Variants in EVPL observed in about 807,000 individuals in gnomAD.
EVPL encodes the protein 210 kDa cornified envelope precursor protein.
A neutral mutation model predicts 129.7 loss-of-function variants in EVPL; 94 were observed. The observed-to-expected ratio is 0.72, with a 90% CI of 0.61 to 0.86. The LOEUF is 0.86. Ranked by LOEUF, EVPL falls within the 40% of genes least tolerant of loss-of-function variation. EVPL has a pLI of 0.00. For missense variants in EVPL, 2,625 were observed against 2,721.1 expected, an observed-to-expected ratio of 0.96 and a Z score of 0.79; for synonymous variants, 1,172 against 1,191.1, an observed-to-expected ratio of 0.98 and a Z score of 0.33.
Position 76,015,293 on chromosome 17 carries a change from G to T in EVPL, c.1962C>A (p.Thr654=). The T allele has an allele frequency of 1.2e-6, 2 of 1,602,452 alleles. No homozygotes were observed. Among genetic ancestry groups the T allele is most frequent in the Non-Finnish European group, 1.7e-6 (2 of 1,178,794 alleles). ...ADRVIRGFEA[T]LVQEAPIPAE... Reference sequence around the variant, plus strand: ...CAGGGATGGGGGCCTCCTGCACCAGGGTGGCCTCGAAGCCTCGGATGACCC... The same window carrying T: ...CAGGGATGGGGGCCTCCTGCACCAGTGTGGCCTCGAAGCCTCGGATGACCC... Residue 654 remains threonine (T), a synonymous_variant, in exon 16 of 22, where the codon ACC becomes ACA. Transcript: ENST00000301607.
chr17:76,016,377 G>T (rs1313744318), intron 14 of EVPL, among the ~76,000 whole-genome samples: 4 of 152,164 alleles, frequency 2.6e-5, no homozygotes, highest in African/African-American at 9.7e-5. Flanking sequence ...CATCTGCCTG[G>T]TCCATCACCG....
Position 76,007,629 on chromosome 17 carries a change from A to G in EVPL, c.5576T>C (p.Leu1859Pro), listed in dbSNP as rs778659296. The change falls in exon 22 of 22, where the codon CTG becomes CCG. Residue 1859 changes from leucine (L) to proline (P), a missense_variant. Physicochemically the swap from Leu to Pro is moderately conservative, Grantham distance 98. Coordinates refer to ENST00000301607, the MANE Select transcript of EVPL (RefSeq NM_001988.4). The surrounding 1 kb of genome is among the most constrained non-coding windows in gnomAD (Gnocchi z 8.8). Reference sequence around the variant, plus strand: ...GCCCCCTGTGGCCGCCTGGGCCTCCAGTAGCTTCTGCCCAGTGATGGGGTC... The same window carrying G: ...GCCCCCTGTGGCCGCCTGGGCCTCCGGTAGCTTCTGCCCAGTGATGGGGTC... ...MLDPITGQKL[L>P]EAQAATGGIV... is the part of the protein sequence containing the mutation. 7.4e-6 allele frequency: 12 copies of G among 1,613,762 alleles called. No individual in the cohort carries two copies. Among genetic ancestry groups the G allele is most frequent in the Non-Finnish European group, 3.4e-6 (4 of 1,180,032 alleles).
chr17:76,021,589 G>A, intron 8 of EVPL, 26 bp from the exon 9 acceptor site: 2 of 1,518,458 alleles, frequency 1.3e-6, no homozygotes, highest in South Asian at 2.4e-5. Context: ...TGGAGCCCTC[G>A]GACCACGCCC....
rs534116655 is a variant in EVPL at position 76,008,514 on chromosome 17, A to G, written c.4691T>C (p.Ile1564Thr). Reference sequence around the variant, plus strand: ...TCTCCCCAGCGTCTCGGCCCGGTCAATGCGCTCCCGCAGGCGCCGTGCCTC... The same window carrying G: ...TCTCCCCAGCGTCTCGGCCCGGTCAGTGCGCTCCCGCAGGCGCCGTGCCTC... The part of the protein sequence containing the change: ...EEEARRLRER[I>T]DRAETLGRTW... The change falls in exon 22 of 22, where the codon ATT becomes ACT. Residue 1564 changes from isoleucine (I) to threonine (T), a missense_variant. This residue lies in a region of EVPL where 1,453 missense variants were observed against 1,511.8 expected (regional missense o/e 0.96). Transcript: ENST00000301607. This position sits in a 1 kb window ranked among gnomAD's most constrained non-coding sequence, Gnocchi z 7.4. 93 of 1,605,342 alleles carry G rather than the reference A, an allele frequency of 5.8e-5. No homozygotes were observed. Among genetic ancestry groups the G allele is most frequent in the African/African-American group, 3.6e-4 (27 of 74,966 alleles).
chr17:76,022,563 C>T lies in EVPL; in HGVS notation c.481-25G>A. 6.3e-7 allele frequency: 1 copy of T among 1,583,904 alleles called. No homozygotes were observed. The highest frequency in any genetic ancestry group is 8.6e-7 in the Non-Finnish European group (1 of 1,166,110). On this transcript the variant is annotated intron_variant, in intron 4 of 21. Coordinates refer to ENST00000301607, the MANE Select transcript of EVPL (RefSeq NM_001988.4). This position sits in a 1 kb window ranked among gnomAD's most constrained non-coding sequence, Gnocchi z 5.6. The stretch of plus-strand genomic sequence containing the variant: ...TCTGCAGGAGAGCCGGCGGCTCAGT[C>T]CCCAAAGGACCGCGGTGGGGAGCCA...
chr17:76,014,755 G>C (rs2144415461), intron 17 of EVPL, among the ~76,000 whole-genome samples, 161 bp downstream of exon 17: 1 of 152,296 alleles, frequency 6.6e-6, no homozygotes, highest in African/African-American at 2.4e-5. Context: ...TCTCTACCAG[G>C]CACCACCCTG....
intron 11 of EVPL, 99 bp downstream of exon 11, chr17:76,018,815 G>A (rs1418047223): frequency 7.3e-7 from 1 of 1,375,668 alleles, no homozygotes; most frequent in East Asian, 2.6e-5. Context: ...GTGGGCGCAG[G>A]AGACAGCTGG....
In EVPL at chr17:76,015,221, C is replaced by T. The variant is rs372163022; in HGVS notation, c.2028+6G>A. The T allele has an allele frequency of 1.2e-4, 183 of 1,584,978 alleles. No individual in the cohort carries two copies. The highest frequency in any genetic ancestry group is 1.7e-4 in the Middle Eastern group (1 of 6,020). Reference sequence around the variant, plus strand: ...TGACACCAGGAGGCCCCGGCTGGTCCCTTACCTGCAGCTCGCTGACCCTCT... The same window carrying T: ...TGACACCAGGAGGCCCCGGCTGGTCTCTTACCTGCAGCTCGCTGACCCTCT... On this transcript the variant is annotated splice_donor_region_variant and intron_variant, in intron 16 of 21. Coordinates refer to ENST00000301607, the MANE Select transcript of EVPL (RefSeq NM_001988.4).
In EVPL at chr17:76,008,738, C is replaced by T. The variant is rs775233961; in HGVS notation, c.4467G>A (p.Lys1489=). 4 of 1,614,104 alleles carry T rather than the reference C, an allele frequency of 2.5e-6. No homozygotes were observed. In the East Asian group the frequency reaches 8.9e-5, roughly 36 times the overall value. Residue 1489 remains lysine, a synonymous_variant, in exon 22 of 22, where the codon AAG becomes AAA. Coordinates refer to ENST00000301607, the MANE Select transcript of EVPL (RefSeq NM_001988.4). The surrounding 1 kb of genome is among the most constrained non-coding windows in gnomAD (Gnocchi z 7.4). ...CCCGATTCAGCTCGGTTACCTGGGT[C>T]TTCTCCTGGTCCAGGTCCCACCGCA... ...EALRWDLDQE[K]TQVTELNREC... is the part of the protein sequence containing the mutation.
At position 76,011,633 on chromosome 17, in the gene EVPL, T is replaced by C. The variant is rs938506038; in HGVS notation, c.2604A>G (p.Ala868=). 9.9e-6 allele frequency: 16 copies of C among 1,614,106 alleles called. No homozygotes were observed. The African/African-American group carries it at 1.7e-4, about 18-fold the overall frequency. Residue 868 remains alanine, a synonymous_variant, in exon 21 of 22, where the codon GCA becomes GCG. Transcript: ENST00000301607. ...KNLAKAYTEV[A]AAQQQLLQQL... The stretch of plus-strand genomic sequence containing the variant: ...GCTGGAGCAGCTGCTGCTGTGCTGC[T>C]GCAACCTCAGTATAGGCCTTTGCAA...
chr17:76,018,420 C>T, intron 12 of EVPL, 26 bp downstream of exon 12: 1 of 1,600,906 alleles, frequency 6.2e-7, no homozygotes, highest in Non-Finnish European at 8.5e-7. Context: ...CACAGCCTGC[C>T]CCTGAGTATC....
chr17:76,017,596 G>A (rs2066426207), intron 14 of EVPL, 143 bp downstream of exon 14: 2 of 1,188,274 alleles, frequency 1.7e-6, no homozygotes, highest in Non-Finnish European at 2.3e-6. Flanking sequence ...AGGGGAACCA[G>A]CTTGTCTGAG....
rs1203402566 is a variant in EVPL at position 76,021,725 on chromosome 17, G to A, written c.864C>T (p.Asp288=). The A allele has an allele frequency of 4.3e-6, 7 of 1,610,246 alleles. No individual in the cohort carries two copies. The highest frequency in any genetic ancestry group is 5.1e-6 in the Non-Finnish European group (6 of 1,179,476). The change falls in exon 8 of 22, where the codon GAC becomes GAT. Residue 288 remains aspartate (D), a synonymous_variant. Coordinates refer to ENST00000301607, the MANE Select transcript of EVPL (RefSeq NM_001988.4). The part of the protein sequence containing the change: ...SQEQSVNQLE[D]DGERMVELRH... ...GCAGCTCCACCATGCGCTCGCCGTC[G>A]TCCTCCAGCTGGTTCACGCTCTGCT...
chr17:76,009,026 C>T lies in EVPL; in HGVS notation c.4179G>A (p.Gly1393=), dbSNP rs781102067. ...KLREEHSRLS[G]SLDEEVGRRR... The stretch of plus-strand genomic sequence containing the variant: ...GCCGGCCCACCTCCTCATCCAGGCT[C>T]CCGCTCAGCCGGCTGTGCTCCTCGC... The change falls in exon 22 of 22, where the codon GGG becomes GGA. Residue 1393 remains glycine, a synonymous_variant. Coordinates refer to ENST00000301607, the MANE Select transcript of EVPL (RefSeq NM_001988.4). The surrounding 1 kb of genome is among the most constrained non-coding windows in gnomAD (Gnocchi z 5.9). 19 of 1,613,256 alleles carry T rather than the reference C, an allele frequency of 1.2e-5. No individual in the cohort carries two copies. The highest frequency in any genetic ancestry group is 3.3e-5 in the Admixed American group (2 of 60,016).
chr17:76,023,487 C>A lies in EVPL; in HGVS notation c.353+13G>T. Reference sequence around the variant, plus strand: ...TCCCCAGGGACCCCCAGCCCTGCCGCAGCTCCACTCACTCCTTCTCAATCT... The same window carrying A: ...TCCCCAGGGACCCCCAGCCCTGCCGAAGCTCCACTCACTCCTTCTCAATCT... On this transcript the variant is annotated intron_variant, in intron 3 of 21. Transcript: ENST00000301607. 1 of 1,612,110 alleles carries A rather than the reference C, an allele frequency of 6.2e-7. No individual in the cohort carries two copies. Among genetic ancestry groups the A allele is most frequent in the Non-Finnish European group, 8.5e-7 (1 of 1,178,940 alleles).
rs746582689 is a variant in EVPL at position 76,023,361 on chromosome 17, G to T, written c.411C>A (p.Tyr137Ter). 3 of 1,613,890 alleles carry T rather than the reference G, an allele frequency of 1.9e-6. No homozygotes were observed. The highest frequency in any genetic ancestry group is 1.7e-6 in the Non-Finnish European group (2 of 1,180,016). Residue 137 changes from tyrosine (Y) to a stop codon, truncating the protein, a stop_gained, in exon 4 of 22, where the codon TAC (tyrosine) becomes TAA (stop). Coordinates refer to ENST00000301607, the MANE Select transcript of EVPL (RefSeq NM_001988.4). LOFTEE classifies it high-confidence loss of function. ...CGTCGGGGGGCAGCACCATCTTCTC[G>T]TACAGGGCACGGTACTCCGCACACT... ...TQECAEYRALYEKMVLPPDVG... is the reference protein window; with the variant it reads ...TQECAEYRAL
rs759334667 is a variant in EVPL at position 76,021,984 on chromosome 17, C to T, written c.690G>A (p.Thr230=). 10 of 1,565,216 alleles carry T rather than the reference C, an allele frequency of 6.4e-6. 1 individual carries two copies. The highest frequency in any genetic ancestry group is 1.8e-5 in the Admixed American group (1 of 54,696). The change falls in exon 7 of 22, where the codon ACG becomes ACA. Residue 230 remains threonine (T), a synonymous_variant. Coordinates refer to ENST00000301607, the MANE Select transcript of EVPL (RefSeq NM_001988.4). ...WRGQSLGSLY[T]HLQGCTRQLS... is the part of the protein sequence containing the mutation. Reference sequence around the variant, plus strand: ...GCTGCCGCGTGCAGCCCTGGAGGTGCGTGTACAGGCTGCCCAGGCTCTGCC... The same window carrying T: ...GCTGCCGCGTGCAGCCCTGGAGGTGTGTGTACAGGCTGCCCAGGCTCTGCC...
intron 11 of EVPL, 126 bp from the exon 12 acceptor site, chr17:76,018,726 G>T: frequency 8.2e-7 from 1 of 1,221,870 alleles, no homozygotes. Context: ...GAGTAGGGTG[G>T]GAGGTGCTGG....
At chr17:76,012,385 C>A in intron 18 of EVPL, 1 of 313,276 alleles carries the variant, frequency 3.2e-6, no homozygotes, top group Non-Finnish European at 5.9e-6. Flanking sequence ...ACAGCAGCCT[C>A]CTGGGTTCAA....
Sources: gnomAD v4.1 joint callset for allele counts (sites outside exome capture counted in the v4.1 genomes callset) on GRCh38, gnomAD v4.1.1 for gene constraint, gnomAD v4.1.1 regional missense constraint, Gnocchi (gnomAD v3.1) non-coding constraint, MANE v1.5 for transcripts, NCBI Gene and HGNC (gene_info 2026-07-23, HGNC 2026-07-21) for gene names.